GINS2: variants seen among roughly 807,000 people sequenced by gnomAD.
The protein encoded by GINS2 is DNA replication complex GINS protein PSF2.
Under a neutral mutation model 21.2 loss-of-function variants are expected in GINS2, and 23 were observed. That is an observed-to-expected ratio of 1.08 (90% confidence interval 0.78 to 1.53). The LOEUF (loss-of-function observed/expected upper bound fraction) is 1.53. Among genes scored for constraint, GINS2 ranks in the 40% most tolerant of loss-of-function variants. GINS2 has a pLI of 0.00. For missense variants in GINS2, 323 were observed against 233.9 expected (o/e 1.38, Z -2.49); for synonymous variants, 118 against 85.6 (o/e 1.38, Z -2.09).
chr16:85,687,661 G>C (rs528443725), intron 1 of GINS2, 87 bp from the exon 2 acceptor site: 2 of 719,074 alleles, frequency 2.8e-6, no homozygotes, highest in African/African-American at 3.7e-5. Context: ...TAAGAGGCAA[G>C]GCATTGCAGA....
At chr16:85,679,303 T>C (rs2053712314) in intron 3 of GINS2, among the ~76,000 whole-genome samples, 1 of 152,240 alleles carries the variant, frequency 6.6e-6, no homozygotes, top group Non-Finnish European at 1.5e-5. Flanking sequence ...AAATTCTGGC[T>C]AGAAGCTCAA....
At position 85,676,244 on chromosome 16, in the gene GINS2, C is replaced by T. The variant is rs1418303708; in HGVS notation, c.*1968G>A. 4.6e-5 allele frequency: 7 copies of T among 152,450 alleles called. No homozygotes were observed. The highest frequency in any genetic ancestry group is 1.0e-4 in the Non-Finnish European group (7 of 68,020). 9.4% of individuals were successfully genotyped at this position (152,450 alleles called of 1,614,324 possible). A position where few individuals can be genotyped will look rare whatever the true frequency, so the allele number is the denominator to read the frequency against. ...TTTTATGATATAAAACAAAGCCAAA[C>T]AAAGAAAAGCTCAATAACTATACAT... On this transcript the variant is annotated 3_prime_UTR_variant, in exon 5 of 5. Coordinates refer to ENST00000253462, the MANE Select transcript of GINS2 (RefSeq NM_016095.3).
rs181683707 is a variant in GINS2, at chr16:85,678,582, C to T, written c.390G>A (p.Val130=). 2.0e-5 allele frequency: 32 copies of T among 1,614,012 alleles called. No individual in the cohort carries two copies. The highest frequency in any genetic ancestry group is 3.3e-5 in the Admixed American group (2 of 60,022). ...MWDTRIAKLR[V]SADSFVRQQE... ...GCTGTCTCACAAAGCTGTCAGCAGA[C>T]ACTCGGAGTTTGGCTATACGAGTGT... Residue 130 remains valine (V), a synonymous_variant, in exon 4 of 5, where the codon GTG becomes GTA. Transcript: ENST00000253462.
At chr16:85,685,078 C>T (rs527380760) in intron 2 of GINS2, among the ~76,000 whole-genome samples, 12 of 151,966 alleles carry the variant, frequency 7.9e-5, no homozygotes, top group African/African-American at 2.7e-4. Context: ...CATGAGCCAC[C>T]GCGCCTGGCC....
intron 2 of GINS2, among the ~76,000 whole-genome samples, chr16:85,682,275 G>C (rs979302635): frequency 2.6e-5 from 4 of 152,040 alleles, no homozygotes; most frequent in East Asian, 1.9e-4. Flanking sequence ...TCAGCTTCTC[G>C]AAGTGCTGGG....
In GINS2 at chr16:85,677,253, C is replaced by T. The variant is rs2053684955; in HGVS notation, c.*959G>A. The T allele has an allele frequency of 6.6e-6, 1 of 152,176 alleles. No homozygotes were observed. Among genetic ancestry groups the T allele is most frequent in the Non-Finnish European group, 1.5e-5 (1 of 68,032 alleles). The allele number at this position is 152,176 out of a possible 1,614,324, so 9.4% of individuals were successfully genotyped here. Reference sequence around the variant, plus strand: ...GATGCTGGACGATCATTTCACCTCTCAAGGTAATGTAATTTCTGTAAAGGT... The same window carrying T: ...GATGCTGGACGATCATTTCACCTCTTAAGGTAATGTAATTTCTGTAAAGGT... On this transcript the variant is annotated 3_prime_UTR_variant, in exon 5 of 5. Transcript: ENST00000253462.
rs56847154 is a variant in GINS2, at chr16:85,682,021, CTTTTTTTTTTT to C, written c.206-351_206-341del. The stretch of plus-strand genomic sequence containing the variant: ...CAGCAAAGTGATTTACCTTTACCGC[CTTTTTTTTTTT>C]TTTTTTTTTTTTTTTTGAGAGGGTC... On this transcript the variant is annotated intron_variant, in intron 2 of 4. Transcript: ENST00000253462. Among the ~76,000 whole-genome samples the C allele has an allele frequency of 8.2e-5, 6 of 73,368 alleles. No homozygotes were observed. The South Asian group carries it at 2.8e-3, about 34-fold the overall frequency. The allele number at this position is 73,368 out of a possible 152,430, so 48.1% of individuals were successfully genotyped here. A position where few individuals can be genotyped will look rare whatever the true frequency, so the allele number is the denominator to read the frequency against.
chr16:85,679,275 G>A (rs1328650255), intron 3 of GINS2, among the ~76,000 whole-genome samples: 2 of 152,208 alleles, frequency 1.3e-5, no homozygotes, highest in African/African-American at 2.4e-5. Context: ...TATACAGTGA[G>A]CACACCTACA....
rs1046474933 is a variant in GINS2, at chr16:85,683,328, C to G, written c.206-1647G>C. ...TCTTCACTACCTAAACTCATATCCA[C>G]ACCACCTCGTCCAAATGCTACCCAC... On this transcript the variant is annotated intron_variant, in intron 2 of 4. Coordinates refer to ENST00000253462, the MANE Select transcript of GINS2 (RefSeq NM_016095.3). 5.3e-5 allele frequency among the ~76,000 whole-genome samples: 8 copies of G among 152,128 alleles called. No homozygotes were observed. In the South Asian group the frequency reaches 1.7e-3, roughly 32 times the overall value.
In GINS2 at chr16:85,677,981, G is replaced by GA. The variant is rs1416311421; in HGVS notation, c.*230dup. The GA allele has an allele frequency of 2.2e-6, 1 of 465,088 alleles. No homozygotes were observed. Among genetic ancestry groups the GA allele is most frequent in the African/African-American group, 2.0e-5 (1 of 50,064 alleles). The allele number at this position is 465,088 out of a possible 1,614,324, so 28.8% of individuals were successfully genotyped here. A position where few individuals can be genotyped will look rare whatever the true frequency, so the allele number is the denominator to read the frequency against. On this transcript the variant is annotated 3_prime_UTR_variant, in exon 5 of 5. Transcript: ENST00000253462. ...CTTTTTTATTTCTCAAAAGTGGGGGGAAAAAGGGCTGGTTTCTAGAAACAG... is the reference window on the plus strand; with the variant it reads ...CTTTTTTATTTCTCAAAAGTGGGGGGAAAAAAGGGCTGGTTTCTAGAAACAG...
chr16:85,685,680 A>ACAAAAACAAAAAAAAAAAAACAAC lies in GINS2; in HGVS notation c.205+1779_205+1780insGTTGTTTTTTTTTTTTTGTTTTTG, dbSNP rs201931587. Reference sequence around the variant, plus strand: ...AGCAAGACCCTTTCTCAAAAAAAAAAAAAAAAAAAAACCGTCTCAAAGCAG... The same window carrying ACAAAAACAAAAAAAAAAAAACAAC: ...AGCAAGACCCTTTCTCAAAAAAAAAACAAAAACAAAAAAAAAAAAACAACAAAAAAAAAAACCGTCTCAAAGCAG... On this transcript the variant is annotated intron_variant, in intron 2 of 4. Coordinates refer to ENST00000253462, the MANE Select transcript of GINS2 (RefSeq NM_016095.3). Among the ~76,000 whole-genome samples, 185 of 147,240 alleles carry ACAAAAACAAAAAAAAAAAAACAAC rather than the reference A, an allele frequency of 1.3e-3. 3 individuals carry two copies. Among genetic ancestry groups the ACAAAAACAAAAAAAAAAAAACAAC allele is most frequent in the African/African-American group, 4.6e-3 (178 of 38,860 alleles).
intron 2 of GINS2, among the ~76,000 whole-genome samples, chr16:85,684,368 A>G (rs1021498044): frequency 4.6e-5 from 7 of 152,090 alleles, no homozygotes; most frequent in African/African-American, 1.7e-4. Flanking sequence ...ATTGATGCAC[A>G]CCTGTAGTCC....
At chr16:85,683,723 T>G (rs996099576) in intron 2 of GINS2, among the ~76,000 whole-genome samples, 1 of 152,244 alleles carries the variant, frequency 6.6e-6, no homozygotes, top group Non-Finnish European at 1.5e-5. Context: ...CTGGATTCAT[T>G]CCCTGCTCCT....
rs544633986 is a variant in GINS2 at position 85,688,727 on chromosome 16, C to G, written c.90+82G>C. 9.8e-5 allele frequency: 71 copies of G among 725,262 alleles called. No individual in the cohort carries two copies. The African/African-American group carries it at 1.1e-3, about 11-fold the overall frequency. The allele number at this position is 725,262 out of a possible 1,614,324, so 44.9% of individuals were successfully genotyped here. On this transcript the variant is annotated intron_variant, in intron 1 of 4. Coordinates refer to ENST00000253462, the MANE Select transcript of GINS2 (RefSeq NM_016095.3). ...CAGATGCGGGAGCAGGGCGAGCCCG[C>G]GACCCCGGGGCTGAAGGCCACGCGG...
At chr16:85,685,669 T>TTAAAAAAAAAAAAAAAAAAAAAAAAAAA (rs2053768222) in intron 2 of GINS2, among the ~76,000 whole-genome samples, 1 of 12,500 alleles carries the variant, frequency 8.0e-5, no homozygotes, top group East Asian at 6.0e-3. Context: ...AGACCCTTTC[T>TTAAAAAAAAAAAAAAAAAAAAAAAAAAA]CAAAAAAAAA....
intron 3 of GINS2, among the ~76,000 whole-genome samples, 165 bp downstream of exon 3, chr16:85,681,417 G>A (rs1398627961): frequency 6.6e-6 from 1 of 152,228 alleles, no homozygotes; most frequent in African/African-American, 2.4e-5. Flanking sequence ...TGGCAGGTGT[G>A]TGTACACAGA....
chr16:85,687,705 A>C (rs932651701), intron 1 of GINS2, 131 bp from the exon 2 acceptor site: 8 of 552,316 alleles, frequency 1.4e-5, no homozygotes, highest in East Asian at 3.3e-5. Context: ...TAAAAACCCA[A>C]CTGTTACCAG....
chr16:85,680,995 G>C (rs1452218389), intron 3 of GINS2, among the ~76,000 whole-genome samples: 1 of 152,238 alleles, frequency 6.6e-6, no homozygotes, highest in Non-Finnish European at 1.5e-5. Flanking sequence ...CTCTGGCTGA[G>C]ATGTGAAGAA....
Position 85,684,163 on chromosome 16 carries a change from T to C in GINS2, c.206-2482A>G, listed in dbSNP as rs569010146. Among the ~76,000 whole-genome samples, 30 of 152,266 alleles carry C rather than the reference T, an allele frequency of 2.0e-4. 1 individual carries two copies. Among genetic ancestry groups the C allele is most frequent in the Admixed American group, 1.7e-3 (26 of 15,298 alleles). On this transcript the variant is annotated intron_variant, in intron 2 of 4. Coordinates refer to ENST00000253462, the MANE Select transcript of GINS2 (RefSeq NM_016095.3). The stretch of plus-strand genomic sequence containing the variant: ...TTCAAAACCAGTCTGAGCAACAAAG[T>C]GAAACCCTGTCTCTATAAAAATTAG...
Sources: allele counts gnomAD v4.1 joint callset (sites outside exome capture counted in the v4.1 genomes callset), GRCh38; gene constraint gnomAD v4.1.1; transcripts MANE v1.5; gene names NCBI Gene and HGNC (gene_info 2026-07-23, HGNC 2026-07-21).